FSCN2: variants seen among roughly 807,000 people sequenced by gnomAD.
FSCN2 encodes the protein fascin actin-bundling protein 2, retinal, also known as fascin-2.
Under a neutral mutation model 37.8 loss-of-function variants are expected in FSCN2, and 46 were observed. The observed-to-expected ratio is 1.22, with a 90% CI of 0.96 to 1.56. FSCN2 has a LOEUF of 1.56. Among genes scored for constraint, FSCN2 ranks in the 40% most tolerant of loss-of-function variants. The pLI is 0.00. For synonymous variants in FSCN2, 351 were observed against 309.4 expected (o/e 1.13, Z -1.41); for missense variants, 844 against 730.4 (o/e 1.16, Z -1.79).
chr17:81,532,374 A>ATGGTGG (rs1376740666), intron 1 of FSCN2, among the ~76,000 whole-genome samples: 1 of 129,392 alleles, frequency 7.7e-6, no homozygotes, highest in African/African-American at 3.3e-5. Flanking sequence ...GGTGATGGTG[A>ATGGTGG]TGATAGTGAT....
intron 1 of FSCN2, among the ~76,000 whole-genome samples, chr17:81,532,140 ATGATGG>A (rs538435061): frequency 3.0e-3 from 345 of 114,260 alleles, no homozygotes; most frequent in Non-Finnish European, 4.8e-3. Flanking sequence ...AGTGATGGTG[ATGATGG>A]TGATGGTGAT....
At chr17:81,516,243 G>T in the FSCN2 span, among the ~76,000 whole-genome samples, 1 of 152,238 alleles carries the variant, frequency 6.6e-6, no homozygotes, top group Non-Finnish European at 1.5e-5. Flanking sequence ...CTTGAGTTTG[G>T]CCGTAAGTAT....
At chr17:81,518,951 G>A in the FSCN2 span, 1 of 152,290 alleles carries the variant, frequency 6.6e-6, no homozygotes, top group African/African-American at 2.4e-5. Flanking sequence ...ACTCTGTCAG[G>A]GTACCCGAGT....
At chr17:81,526,396 C>T (rs151202418), upstream of FSCN2, among the ~76,000 whole-genome samples, 32 of 152,346 alleles carry the variant, frequency 2.1e-4, no homozygotes, top group Middle Eastern at 3.4e-3. Flanking sequence ...TTTCAGAGGC[C>T]GCGGCGGGCA....
chr17:81,536,737 C>A lies in FSCN2; in HGVS notation c.1221C>A (p.Ser407=), dbSNP rs367955776. ...RGSNQLDTNR[S]VYDVFHLSFS... Reference sequence around the variant, plus strand: ...CCAACCAGCTGGACACCAACCGCTCCGTCTACGACGTCTTCCACCTGAGCT... The same window carrying A: ...CCAACCAGCTGGACACCAACCGCTCAGTCTACGACGTCTTCCACCTGAGCT... Residue 407 remains serine (S), a synonymous_variant, in exon 4 of 5, where the codon TCC becomes TCA. Coordinates refer to ENST00000417245, the MANE Select transcript of FSCN2 (RefSeq NM_012418.4). The A allele has an allele frequency of 2.7e-5, 44 of 1,610,538 alleles. No individual in the cohort carries two copies. The highest frequency in any genetic ancestry group is 3.7e-5 in the Non-Finnish European group (44 of 1,179,116).
upstream of FSCN2, among the ~76,000 whole-genome samples, chr17:81,524,602 G>A (rs2032293121): frequency 2.0e-5 from 3 of 152,208 alleles, no homozygotes; most frequent in African/African-American, 4.8e-5. Flanking sequence ...CGGAGGTGTG[G>A]CCACAGGGCT....
intron 1 of FSCN2, among the ~76,000 whole-genome samples, chr17:81,532,304 AGTGATGGCGATG>A (rs2032694342): frequency 4.6e-5 from 2 of 43,322 alleles, no homozygotes; most frequent in African/African-American, 2.4e-4. Flanking sequence ...TGATGATGAT[AGTGATGGCGATG>A]ATGGTGATGA....
Position 81,528,957 on chromosome 17 carries a change from C to T in FSCN2, c.426C>T (p.His142=), listed in dbSNP as rs782074499. 1.3e-6 allele frequency: 2 copies of T among 1,590,192 alleles called. No homozygotes were observed. The highest frequency in any genetic ancestry group is 1.3e-5 in the African/African-American group (1 of 74,566). ...ACCTGGCCATCCACCCGCAGGCCCA[C>T]CTGCTGAGCGTGAGCCGGCGGCGCT... ...TVHLAIHPQA[H]LLSVSRRRYV... The change falls in exon 1 of 5, where the codon CAC becomes CAT. Residue 142 remains histidine (H), a synonymous_variant. Transcript: ENST00000417245.
rs1459402242 is a variant in FSCN2, at chr17:81,535,097, C to T, written c.872C>T (p.Thr291Ile). The change falls in exon 2 of 5, where the codon ACC becomes ATC. Residue 291 changes from threonine (T) to isoleucine (I), a missense_variant. Physicochemically the swap from Thr to Ile is moderately conservative, Grantham distance 89 (BLOSUM62 -1). Coordinates refer to ENST00000417245, the MANE Select transcript of FSCN2 (RefSeq NM_012418.4). ...ANQDDELDHE[T>I]FLMQIDQETK... The stretch of plus-strand genomic sequence containing the variant: ...CAGGATGATGAACTAGACCACGAGA[C>T]CTTCCTGATGCAAATTGACCAGGAG... 6.5e-7 allele frequency: 1 copy of T among 1,533,618 alleles called. No homozygotes were observed.
Position 81,528,957 on chromosome 17 carries a change from C to G in FSCN2, c.426C>G (p.His142Gln). 6.3e-7 allele frequency: 1 copy of G among 1,590,310 alleles called. No homozygotes were observed. Among genetic ancestry groups the G allele is most frequent in the South Asian group, 1.1e-5 (1 of 88,200 alleles). Residue 142 changes from histidine to glutamine, a missense_variant, in exon 1 of 5, where the codon CAC (histidine) becomes CAG (glutamine). By Grantham distance (24) the His-to-Gln change is conservative. Transcript: ENST00000417245. ...TVHLAIHPQA[H>Q]LLSVSRRRYV... The stretch of plus-strand genomic sequence containing the variant: ...ACCTGGCCATCCACCCGCAGGCCCA[C>G]CTGCTGAGCGTGAGCCGGCGGCGCT...
Position 81,528,771 on chromosome 17 carries a change from G to A in FSCN2, c.240G>A (p.Glu80=). 1.9e-6 allele frequency: 3 copies of A among 1,575,756 alleles called. No individual in the cohort carries two copies. In the East Asian group the frequency reaches 7.1e-5, roughly 37 times the overall value. Residue 80 remains glutamate (E), a synonymous_variant, in exon 1 of 5, where the codon GAG becomes GAA. Coordinates refer to ENST00000417245, the MANE Select transcript of FSCN2 (RefSeq NM_012418.4). ...AAGAGGACGGGCGCGTGGCCTGTGA[G>A]GCAGAGCAGCCGGGCCGTGACTGCC... ...SAEEDGRVAC[E]AEQPGRDCRF...
chr17:81,524,581 G>A (rs1309892398), upstream of FSCN2, among the ~76,000 whole-genome samples: 1 of 152,228 alleles, frequency 6.6e-6, no homozygotes, highest in Non-Finnish European at 1.5e-5. Context: ...TGAGTGGTTG[G>A]TTGGCACCTC....
Position 81,529,517 on chromosome 17 carries a change from T to C in FSCN2, c.826+160T>C, listed in dbSNP as rs369045171. The C allele has an allele frequency of 1.6e-4, 123 of 791,992 alleles. 1 individual carries two copies. In the African/African-American group the frequency reaches 1.7e-3, roughly 11 times the overall value. The allele number at this position is 791,992 out of a possible 1,614,324, so 49.1% of individuals were successfully genotyped here. A position where few individuals can be genotyped will look rare whatever the true frequency, so the allele number is the denominator to read the frequency against. On this transcript the variant is annotated intron_variant, in intron 1 of 4. Coordinates refer to ENST00000417245, the MANE Select transcript of FSCN2 (RefSeq NM_012418.4). ...GTGGGACATGTGTGGCCACTCAGGG[T>C]GTAGGTGGGTGGGCCTCGGGCCATG...
At chr17:81,536,100 C>T (rs756238705) in intron 2 of FSCN2, 46 bp from the exon 3 acceptor site, 1 of 1,589,564 alleles carries the variant, frequency 6.3e-7, no homozygotes, top group East Asian at 2.3e-5. Flanking sequence ...GACCCTGCAC[C>T]CCCATCTCCT....
At chr17:81,522,492 G>A in the FSCN2 span, among the ~76,000 whole-genome samples, 6 of 152,326 alleles carry the variant, frequency 3.9e-5, no homozygotes, top group South Asian at 2.1e-4. Flanking sequence ...TAAATGGTCC[G>A]TTTCTGTTTT....
At chr17:81,519,540 C>T in the FSCN2 span, among the ~76,000 whole-genome samples, 4 of 152,176 alleles carry the variant, frequency 2.6e-5, no homozygotes, top group Non-Finnish European at 5.9e-5. Context: ...GCCGCTATCG[C>T]CGCGAGGCCG....
chr17:81,527,702 C>T (rs1283446781), upstream of FSCN2: 1 of 152,194 alleles, frequency 6.6e-6, no homozygotes, highest in Admixed American at 6.5e-5. Flanking sequence ...GCCTCAGGGC[C>T]CAGCAACTTG....
At chr17:81,522,082 C>T in the FSCN2 span, among the ~76,000 whole-genome samples, 1 of 152,120 alleles carries the variant, frequency 6.6e-6, no homozygotes, top group East Asian at 1.9e-4. Context: ...TCTCGGCTCA[C>T]TGCAACCTCC....
chr17:81,518,428 G>A, the FSCN2 span, among the ~76,000 whole-genome samples: 38 of 134,158 alleles, frequency 2.8e-4, no homozygotes, highest in African/African-American at 9.9e-4. Context: ...GCTCGTGCAG[G>A]AAGCCCAAGT....
Sources: gnomAD v4.1 joint callset for allele counts (sites outside exome capture counted in the v4.1 genomes callset) on GRCh38, gnomAD v4.1.1 for gene constraint, MANE v1.5 for transcripts, NCBI Gene and HGNC (gene_info 2026-07-23, HGNC 2026-07-21) for gene names.